Variants in ARHGAP44 observed in about 807,000 individuals in gnomAD.
ARHGAP44 encodes rho GTPase-activating protein 44.
Under a neutral mutation model 106.8 loss-of-function variants are expected in ARHGAP44, and 43 were observed. The ratio of observed to expected loss-of-function variants is 0.40; its 90% CI spans 0.32 to 0.52. The LOEUF is 0.52. Among genes scored for constraint, ARHGAP44 ranks in the 20% least tolerant of loss-of-function variants. ARHGAP44 has a pLI of 0.48. For missense variants in ARHGAP44, 866 were observed against 1,050.5 expected, an observed-to-expected ratio of 0.82 and a Z score of 2.43; for synonymous variants, 439 against 410.3, an observed-to-expected ratio of 1.07 and a Z score of -0.85.
rs189412758 is a variant in ARHGAP44 at position 12,812,955 on chromosome 17, A to G, written c.53+23064A>G. ...TCTACTTATCTGGAGTATTGCCTTT[A>G]TTGATCCACCCACTCAGCAATGGCA... is the stretch of plus-strand genomic sequence containing the variant. On this transcript the variant is annotated intron_variant, in intron 1 of 20. Transcript: ENST00000379672. Among the ~76,000 whole-genome samples the G allele has an allele frequency of 2.0e-5, 3 of 152,296 alleles. No homozygotes were observed. In the East Asian group the frequency reaches 5.8e-4, roughly 29 times the overall value.
chr17:12,828,080 T>A (rs1286850271), intron 1 of ARHGAP44, among the ~76,000 whole-genome samples: 3 of 151,678 alleles, frequency 2.0e-5, no homozygotes, highest in Non-Finnish European at 4.4e-5. Flanking sequence ...ATTAACATTT[T>A]AAAATATTAC....
At chr17:12,857,329 TC>T (rs1221939992) in intron 1 of ARHGAP44, among the ~76,000 whole-genome samples, 1 of 152,206 alleles carries the variant, frequency 6.6e-6, no homozygotes. Flanking sequence ...TTGATTTAGC[TC>T]ATGGTTCTGG....
chr17:12,881,931 C>G (rs1404398487), intron 1 of ARHGAP44, among the ~76,000 whole-genome samples: 1 of 152,060 alleles, frequency 6.6e-6, no homozygotes, highest in African/African-American at 2.4e-5. Flanking sequence ...GGCCTCTTGG[C>G]CTTCAGTGAT....
intron 8 of ARHGAP44, among the ~76,000 whole-genome samples, chr17:12,942,353 G>A (rs566077788): frequency 4.5e-4 from 69 of 152,246 alleles, no homozygotes; most frequent in African/African-American, 1.5e-3. Context: ...CACTATGTTG[G>A]CCAGGCTGGT....
chr17:12,848,044 G>A (rs1301412465), intron 1 of ARHGAP44, among the ~76,000 whole-genome samples: 1 of 152,102 alleles, frequency 6.6e-6, no homozygotes, highest in Non-Finnish European at 1.5e-5. Flanking sequence ...TTTCTCTTTG[G>A]AGCAGAGGTG....
chr17:12,963,637 C>T (rs934056906), intron 16 of ARHGAP44, among the ~76,000 whole-genome samples: 2 of 151,836 alleles, frequency 1.3e-5, no homozygotes, highest in Non-Finnish European at 2.9e-5. Context: ...TGCACCAATG[C>T]TGTGTGTGTA....
At chr17:12,906,724 G>A (rs902663465) in intron 3 of ARHGAP44, among the ~76,000 whole-genome samples, 2 of 151,996 alleles carry the variant, frequency 1.3e-5, no homozygotes, top group African/African-American at 2.4e-5. Flanking sequence ...TGCTTGAGCC[G>A]AGGAGTTCAA....
chr17:12,829,345 C>G (rs1385262459), intron 1 of ARHGAP44, among the ~76,000 whole-genome samples: 2 of 152,046 alleles, frequency 1.3e-5, no homozygotes, highest in African/African-American at 4.8e-5. Context: ...AGGGTGCAGC[C>G]CAAATCACTC....
intron 1 of ARHGAP44, among the ~76,000 whole-genome samples, chr17:12,847,253 A>G (rs955750937): frequency 4.6e-5 from 7 of 152,120 alleles, no homozygotes; most frequent in African/African-American, 1.4e-4. Flanking sequence ...TGGAGGTTAC[A>G]TTGTTTCAAA....
intron 3 of ARHGAP44, among the ~76,000 whole-genome samples, chr17:12,898,839 G>A (rs577514544): frequency 6.6e-6 from 1 of 152,332 alleles, no homozygotes; most frequent in South Asian, 2.1e-4. Context: ...CACAGTGGTT[G>A]TTACCAGGCT....
rs201362995 is a variant in ARHGAP44 at position 12,941,036 on chromosome 17, G to T, written c.583-20G>T. 4.7e-3 allele frequency: 7,512 copies of T among 1,612,710 alleles called. 54 individuals are homozygous for T. Among genetic ancestry groups the T allele is most frequent in the South Asian group, 0.018 (1,621 of 90,920 alleles). ...CATTGGTTTATGTTTTACCTTGGTT[G>T]TATATTTTACCTTGCACAGGACCAG... On this transcript the variant is annotated intron_variant, in intron 7 of 20. Coordinates refer to ENST00000379672, the MANE Select transcript of ARHGAP44 (RefSeq NM_014859.6).
At chr17:12,912,285 A>C (rs2037759694) in intron 4 of ARHGAP44, among the ~76,000 whole-genome samples, 1 of 148,568 alleles carries the variant, frequency 6.7e-6, no homozygotes, top group South Asian at 2.2e-4. Flanking sequence ...AGCTTGTAGA[A>C]ATGAGAAAAT....
intron 18 of ARHGAP44, among the ~76,000 whole-genome samples, chr17:12,975,628 C>T (rs2039658143): frequency 6.6e-6 from 1 of 151,754 alleles, no homozygotes; most frequent in South Asian, 2.1e-4. Flanking sequence ...GAAACCCCAC[C>T]TCTACTAAAA....
At chr17:12,888,059 G>A (rs1398997605) in intron 1 of ARHGAP44, among the ~76,000 whole-genome samples, 3 of 151,874 alleles carry the variant, frequency 2.0e-5, no homozygotes, top group South Asian at 2.1e-4. Flanking sequence ...CAAAGAACTC[G>A]CTCTTTGAGT....
intron 16 of ARHGAP44, among the ~76,000 whole-genome samples, chr17:12,963,629 C>T (rs1052699694): frequency 6.6e-6 from 1 of 151,854 alleles, no homozygotes; most frequent in African/African-American, 2.4e-5. Flanking sequence ...GCTGGCTTTG[C>T]ACCAATGCTG....
At chr17:12,881,494 A>G (rs12949676) in intron 1 of ARHGAP44, among the ~76,000 whole-genome samples, 112,134 of 151,798 alleles carry the variant, frequency 0.74, 41,753 homozygotes, top group East Asian at 0.98. Flanking sequence ...CATTTTTGTG[A>G]GTTTATTCCT....
intron 7 of ARHGAP44, among the ~76,000 whole-genome samples, chr17:12,939,190 G>A (rs1200851864): frequency 6.6e-6 from 1 of 152,094 alleles, no homozygotes; most frequent in Non-Finnish European, 1.5e-5. Flanking sequence ...ATGGAGCTGA[G>A]GTGATGTTTG....
At chr17:12,898,743 T>C (rs982255345) in intron 3 of ARHGAP44, among the ~76,000 whole-genome samples, 1 of 152,312 alleles carries the variant, frequency 6.6e-6, no homozygotes, top group African/African-American at 2.4e-5. Context: ...GGTGAATATG[T>C]GTCCAAGATA....
At chr17:12,870,673 ATC>A (rs2036382613) in intron 1 of ARHGAP44, among the ~76,000 whole-genome samples, 2 of 152,144 alleles carry the variant, frequency 1.3e-5, no homozygotes, top group Admixed American at 1.3e-4. Context: ...ATTTACCTCC[ATC>A]TCTCTACATA....
Sources: allele counts gnomAD v4.1 joint callset (sites outside exome capture counted in the v4.1 genomes callset), GRCh38; gene constraint gnomAD v4.1.1; transcripts MANE v1.5; gene names NCBI Gene and HGNC (gene_info 2026-07-23, HGNC 2026-07-21).